The following HEMK2 variants were observed in gnomAD, a reference collection of about 807,000 sequenced individuals.
HEMK2 encodes the protein methyltransferase HEMK2.
At chr21:28,860,559 A>T in the HEMK2 span, among the ~76,000 whole-genome samples, 2 of 151,880 alleles carry the variant, frequency 1.3e-5, no homozygotes, top group Non-Finnish European at 2.9e-5. Flanking sequence ...AAGAAATTTT[A>T]AAAAATTATG....
At chr21:28,796,129 G>GTATTT in the HEMK2 span, among the ~76,000 whole-genome samples, 9 of 152,100 alleles carry the variant, frequency 5.9e-5, no homozygotes, top group South Asian at 2.1e-4. Flanking sequence ...TAGAATAAAT[G>GTATTT]TATTTTATTT....
At chr21:28,595,832 T>A in the HEMK2 span, among the ~76,000 whole-genome samples, 2 of 151,990 alleles carry the variant, frequency 1.3e-5, no homozygotes, top group East Asian at 3.9e-4. Context: ...TCACCCAGGC[T>A]GGAGTGCAGT....
At chr21:28,772,189 C>A in the HEMK2 span, among the ~76,000 whole-genome samples, 31,069 of 152,032 alleles carry the variant, frequency 0.2, 5,941 homozygotes, top group African/African-American at 0.49. Context: ...GGCTTCAGTA[C>A]TAAAACCTAT....
At chr21:28,719,863 T>C in the HEMK2 span, among the ~76,000 whole-genome samples, 1 of 152,250 alleles carries the variant, frequency 6.6e-6, no homozygotes, top group African/African-American at 2.4e-5. Flanking sequence ...CTCTCAGTGC[T>C]TTCATGGCCA....
At chr21:28,821,626 T>C in the HEMK2 span, among the ~76,000 whole-genome samples, 4 of 152,222 alleles carry the variant, frequency 2.6e-5, no homozygotes, top group South Asian at 4.1e-4. Context: ...AAAATGTTTA[T>C]CTGAAAAAAT....
chr21:28,847,546 A>C, the HEMK2 span, among the ~76,000 whole-genome samples: 1 of 152,166 alleles, frequency 6.6e-6, no homozygotes, highest in South Asian at 2.1e-4. Flanking sequence ...TAGTTTGCAA[A>C]TATTTTCTCC....
chr21:28,619,763 T>C, the HEMK2 span, among the ~76,000 whole-genome samples: 4 of 152,214 alleles, frequency 2.6e-5, no homozygotes, highest in Non-Finnish European at 4.4e-5. Flanking sequence ...GATGTTCCTA[T>C]TGAAGTGATA....
At chr21:28,703,828 GA>G in the HEMK2 span, among the ~76,000 whole-genome samples, 3 of 151,910 alleles carry the variant, frequency 2.0e-5, no homozygotes, top group Admixed American at 1.3e-4. Flanking sequence ...CAGAGTTACA[GA>G]AAAAAAATTA....
the HEMK2 span, among the ~76,000 whole-genome samples, chr21:28,866,390 A>G: frequency 4.0e-5 from 6 of 151,822 alleles, no homozygotes; most frequent in Non-Finnish European, 8.8e-5. Flanking sequence ...CAGAGGCTGC[A>G]GTGAGCCAAG....
the HEMK2 span, among the ~76,000 whole-genome samples, chr21:28,847,178 A>C: frequency 6.6e-6 from 1 of 152,254 alleles, no homozygotes; most frequent in South Asian, 2.1e-4. Context: ...TTTCTGTTTA[A>C]GTTCTTTGAG....
the HEMK2 span, among the ~76,000 whole-genome samples, chr21:28,746,805 G>A: frequency 6.6e-6 from 1 of 152,192 alleles, no homozygotes; most frequent in Non-Finnish European, 1.5e-5. Flanking sequence ...TGGCAGGGGT[G>A]AGAAGGGAAG....
At chr21:28,753,692 T>C in the HEMK2 span, among the ~76,000 whole-genome samples, 1 of 152,176 alleles carries the variant, frequency 6.6e-6, no homozygotes, top group African/African-American at 2.4e-5. Flanking sequence ...CCATATACAG[T>C]AATGTGAAAA....
chr21:28,642,280 G>A, the HEMK2 span, among the ~76,000 whole-genome samples: 4 of 152,204 alleles, frequency 2.6e-5, no homozygotes, highest in African/African-American at 9.6e-5. Context: ...CTTGAGGTGG[G>A]ATAGTTCCCT....
At chr21:28,852,299 T>A in the HEMK2 span, among the ~76,000 whole-genome samples, 1 of 152,164 alleles carries the variant, frequency 6.6e-6, no homozygotes. Flanking sequence ...AGCTGCTAAG[T>A]ATGTCTATGC....
the HEMK2 span, among the ~76,000 whole-genome samples, chr21:28,817,489 G>C: frequency 6.6e-6 from 1 of 152,154 alleles, no homozygotes; most frequent in African/African-American, 2.4e-5. Context: ...TAGGTGTAGG[G>C]TTGGGCAAAG....
chr21:28,737,751 T>C, the HEMK2 span, among the ~76,000 whole-genome samples: 1 of 152,222 alleles, frequency 6.6e-6, no homozygotes, highest in African/African-American at 2.4e-5. Context: ...CATACATCAC[T>C]TCACTGCTCT....
At chr21:28,650,664 G>A in the HEMK2 span, among the ~76,000 whole-genome samples, 1 of 152,278 alleles carries the variant, frequency 6.6e-6, no homozygotes, top group South Asian at 2.1e-4. Context: ...GTACCTGGAG[G>A]TCAGACATCT....
At chr21:28,756,902 G>A in the HEMK2 span, among the ~76,000 whole-genome samples, 1 of 152,176 alleles carries the variant, frequency 6.6e-6, no homozygotes, top group Non-Finnish European at 1.5e-5. Flanking sequence ...TAAGATTGAT[G>A]TAATCAATGC....
the HEMK2 span, among the ~76,000 whole-genome samples, chr21:28,595,918 G>T: frequency 6.6e-6 from 1 of 151,648 alleles, no homozygotes; most frequent in Non-Finnish European, 1.5e-5. Context: ...CCAAGTAGCT[G>T]GGACTACAGG....
Sources: allele counts gnomAD v4.1 joint callset (sites outside exome capture counted in the v4.1 genomes callset), GRCh38; gene constraint gnomAD v4.1.1; transcripts MANE v1.5; gene names NCBI Gene and HGNC (gene_info 2026-07-23, HGNC 2026-07-21).